RNF19A: variants seen among roughly 807,000 people sequenced by gnomAD.
RNF19A encodes the protein E3 ubiquitin-protein ligase RNF19A.
In RNF19A, 32 loss-of-function variants were observed where a neutral mutation model predicts 75.7. The ratio of observed to expected loss-of-function variants is 0.42; its 90% CI spans 0.32 to 0.57. The LOEUF (loss-of-function observed/expected upper bound fraction) is 0.57. Among genes scored for constraint, RNF19A ranks in the 20% least tolerant of loss-of-function variants. RNF19A has a pLI of 0.10. For missense variants in RNF19A, 782 were observed against 1,036.3 expected, an observed-to-expected ratio of 0.75 and a Z score of 3.37; for synonymous variants, 335 against 345.2, an observed-to-expected ratio of 0.97 and a Z score of 0.33.
chr8:100,297,159 T>C (rs921853401), intron 1 of RNF19A, among the ~76,000 whole-genome samples: 2 of 152,234 alleles, frequency 1.3e-5, no homozygotes, highest in Non-Finnish European at 2.9e-5. Flanking sequence ...TAATAATCTA[T>C]TTAAAGTCTA....
intron 3 of RNF19A, 119 bp from the exon 4 acceptor site, chr8:100,270,132 C>T: frequency 4.0e-6 from 3 of 741,716 alleles, no homozygotes; most frequent in Non-Finnish European, 5.9e-6. Flanking sequence ...TAACTTATAG[C>T]TTCAGCCTGC....
chr8:100,335,330 T>C (rs547558932), intron 1 of RNF19A, among the ~76,000 whole-genome samples: 1 of 152,334 alleles, frequency 6.6e-6, no homozygotes, highest in East Asian at 1.9e-4. Flanking sequence ...TGTACTATTA[T>C]TATCCTCATT....
At chr8:100,267,402 C>T (rs1335271949) in intron 5 of RNF19A, among the ~76,000 whole-genome samples, 1 of 152,108 alleles carries the variant, frequency 6.6e-6, no homozygotes, top group Non-Finnish European at 1.5e-5. Context: ...TAGGATCTTG[C>T]TCTATCACCC....
chr8:100,261,377 C>T lies in RNF19A; in HGVS notation c.1682+165G>A, dbSNP rs113154923. Among the ~76,000 whole-genome samples the T allele has an allele frequency of 6.6e-6, 1 of 152,138 alleles. No individual in the cohort carries two copies. The highest frequency in any genetic ancestry group is 1.5e-5 in the Non-Finnish European group (1 of 68,032). On this transcript the variant is annotated intron_variant, in intron 8 of 9. Coordinates refer to ENST00000341084, the MANE Select transcript of RNF19A (RefSeq NM_183419.4). This position sits in a 1 kb window ranked among gnomAD's most constrained non-coding sequence, Gnocchi z 4.4. ...CTTCCCAACATGCTGGGATTACAGG[C>T]GTGAGCCACTGCACCTGGCCCCAAA... is the stretch of plus-strand genomic sequence containing the variant.
chr8:100,303,008 T>C (rs1449561597), intron 1 of RNF19A, among the ~76,000 whole-genome samples: 2 of 152,238 alleles, frequency 1.3e-5, no homozygotes, highest in African/African-American at 2.4e-5. Context: ...AAGAGCTGTT[T>C]AGTCTCTGAT....
intron 2 of RNF19A, among the ~76,000 whole-genome samples, chr8:100,281,736 T>C (rs1353316063): frequency 1.3e-5 from 2 of 152,230 alleles, no homozygotes; most frequent in African/African-American, 4.8e-5. Flanking sequence ...TTAACATACC[T>C]TTAAATAACT....
At position 100,258,040 on chromosome 8, in the gene RNF19A, C is replaced by T. The variant is rs1420864756; in HGVS notation, c.*516G>A. On this transcript the variant is annotated 3_prime_UTR_variant, in exon 10 of 10. Transcript: ENST00000341084. The surrounding 1 kb of genome is among the most constrained non-coding windows in gnomAD (Gnocchi z 4.3). ...ATGAGCTGCATTAAGCTTTATATAA[C>T]CACATTGCATATGAAGAAAAAAAAT... 5.0e-6 allele frequency: 2 copies of T among 398,364 alleles called. No individual in the cohort carries two copies. The highest frequency in any genetic ancestry group is 7.1e-5 in the East Asian group (2 of 27,984). 24.7% of individuals were successfully genotyped at this position (398,364 alleles called of 1,614,324 possible).
intron 1 of RNF19A, 100 bp from the exon 2 acceptor site, chr8:100,288,367 A>G: frequency 3.8e-6 from 3 of 781,010 alleles, no homozygotes; most frequent in Non-Finnish European, 5.3e-6. Flanking sequence ...TTTCTTAACC[A>G]TTAGTAGTAG....
At chr8:100,290,621 GGATA>G (rs1025108032) in intron 1 of RNF19A, among the ~76,000 whole-genome samples, 1 of 152,116 alleles carries the variant, frequency 6.6e-6, no homozygotes, top group Non-Finnish European at 1.5e-5. Flanking sequence ...CACAAACACA[GGATA>G]GATAAGGAAC....
At chr8:100,262,496 C>T (rs186799573) in intron 7 of RNF19A, among the ~76,000 whole-genome samples, 8 of 152,160 alleles carry the variant, frequency 5.3e-5, no homozygotes, top group Admixed American at 6.5e-5. Context: ...ATGCTTGGCA[C>T]CCTCAAAAAT....
At chr8:100,304,124 A>T (rs1821965461) in intron 1 of RNF19A, among the ~76,000 whole-genome samples, 1 of 150,708 alleles carries the variant, frequency 6.6e-6, no homozygotes, top group African/African-American at 2.4e-5. Context: ...ACCTAGGTAA[A>T]TTTTTTTTTG....
intron 7 of RNF19A, among the ~76,000 whole-genome samples, chr8:100,263,744 C>A (rs1012779402): frequency 1.3e-5 from 2 of 152,132 alleles, no homozygotes; most frequent in African/African-American, 2.4e-5. Context: ...TATTCCTCTT[C>A]ATATCCTTTA....
At chr8:100,292,441 T>G (rs890420562) in intron 1 of RNF19A, among the ~76,000 whole-genome samples, 1 of 150,746 alleles carries the variant, frequency 6.6e-6, no homozygotes, top group African/African-American at 2.5e-5. Flanking sequence ...TATGGGTGTG[T>G]GTGTGTGTGT....
rs1448464388 is a variant in RNF19A at position 100,284,527 on chromosome 8, C to A, written c.674+2974G>T. On this transcript the variant is annotated intron_variant, in intron 2 of 9. Transcript: ENST00000341084. The surrounding 1 kb of genome is among the most constrained non-coding windows in gnomAD (Gnocchi z 4.3). ...AAAATTAATGTATGGCCAAATTAATCACGGACAATTATTTGTTAAATTTAT... is the reference window on the plus strand; with the variant it reads ...AAAATTAATGTATGGCCAAATTAATAACGGACAATTATTTGTTAAATTTAT... Among the ~76,000 whole-genome samples, 2 of 152,066 alleles carry A rather than the reference C, an allele frequency of 1.3e-5. No homozygotes were observed. The highest frequency in any genetic ancestry group is 2.4e-5 in the African/African-American group (1 of 41,416).
At chr8:100,265,050 TAATC>T (rs1303030912) in intron 5 of RNF19A, among the ~76,000 whole-genome samples, 1 of 152,194 alleles carries the variant, frequency 6.6e-6, no homozygotes, top group Non-Finnish European at 1.5e-5. Flanking sequence ...TTTATAATCT[TAATC>T]AAAAGTAGTG....
intron 2 of RNF19A, among the ~76,000 whole-genome samples, chr8:100,282,267 A>G (rs1015292488): frequency 2.6e-5 from 4 of 152,226 alleles, no homozygotes; most frequent in African/African-American, 9.6e-5. Flanking sequence ...AAATCTTAGT[A>G]TCAACTAACA....
At chr8:100,286,428 ATATTAAT>A (rs1438907848) in intron 2 of RNF19A, among the ~76,000 whole-genome samples, 2 of 152,236 alleles carry the variant, frequency 1.3e-5, no homozygotes, top group Non-Finnish European at 2.9e-5. Flanking sequence ...AATTCATAAA[ATATTAAT>A]TAGGTAATTT....
At chr8:100,263,594 T>C (rs1819828470) in intron 7 of RNF19A, among the ~76,000 whole-genome samples, 1 of 152,262 alleles carries the variant, frequency 6.6e-6, no homozygotes, top group Non-Finnish European at 1.5e-5. Flanking sequence ...TTTATTGACA[T>C]ACTCCTATAG....
rs1822595963 is a variant in RNF19A at position 100,330,529 on chromosome 8, G to A, written c.-243+5579C>T. Among the ~76,000 whole-genome samples the A allele has an allele frequency of 6.6e-6, 1 of 152,184 alleles. No homozygotes were observed. Among genetic ancestry groups the A allele is most frequent in the African/African-American group, 2.4e-5 (1 of 41,434 alleles). On this transcript the variant is annotated intron_variant, in intron 1 of 3. Coordinates refer to the RNF19A transcript ENST00000519527. This position sits in a 1 kb window ranked among gnomAD's most constrained non-coding sequence, Gnocchi z 4.1. ...TAGGAACTGTTGGGGACACTTATGT[G>A]TTAATTGCAAAGCTGGAGTTGCCAG...
Sources: allele counts gnomAD v4.1 joint callset (sites outside exome capture counted in the v4.1 genomes callset), GRCh38; gene constraint gnomAD v4.1.1; non-coding constraint Gnocchi (gnomAD v3.1); transcripts MANE v1.5; gene names NCBI Gene and HGNC (gene_info 2026-07-23, HGNC 2026-07-21).